The following EYS variants were observed in gnomAD, a reference collection of about 807,000 sequenced individuals.
The protein encoded by EYS is EGF-like photoreceptor maintenance factor.
EYS carries 250 observed loss-of-function variants against 282.1 expected under a neutral mutation model. The ratio of observed to expected loss-of-function variants is 0.89; its 90% CI spans 0.80 to 0.98. EYS has a LOEUF of 0.98. EYS is among the 50% of genes least tolerant of loss of function. The probability of loss-of-function intolerance (pLI) is 0.00; values close to 1 mark genes in which losing one functional copy is unlikely to be tolerated. For missense variants in EYS, 4,016 were observed against 3,709.0 expected (o/e 1.08, Z -2.15); for synonymous variants, 1,355 against 1,282.9 (o/e 1.06, Z -1.20).
intron 30 of EYS, among the ~76,000 whole-genome samples, chr6:64,306,314 C>A (rs1269488567): frequency 6.6e-6 from 1 of 152,094 alleles, no homozygotes; most frequent in Non-Finnish European, 1.5e-5. Context: ...ACCCACCTCA[C>A]CATGCTATCT....
rs1216330154 is a variant in EYS at position 64,231,328 on chromosome 6, AT to A, written c.6192-505del. On this transcript the variant is annotated intron_variant, in intron 30 of 42. Coordinates refer to ENST00000503581, the MANE Select transcript of EYS (RefSeq NM_001142800.2). Reference sequence around the variant, plus strand: ...TTTTACAAATTTTAATACCAGTTTAATTTTTTCTTTACAATAAATAATGAAC... The same window carrying A: ...TTTTACAAATTTTAATACCAGTTTAATTTTTCTTTACAATAAATAATGAAC... 7.2e-5 allele frequency among the ~76,000 whole-genome samples: 11 copies of A among 152,076 alleles called. No individual in the cohort carries two copies. The East Asian group carries it at 1.2e-3, about 16-fold the overall frequency.
At chr6:64,671,164 C>T (rs757925914) in intron 22 of EYS, among the ~76,000 whole-genome samples, 22 of 152,052 alleles carry the variant, frequency 1.4e-4, no homozygotes, top group South Asian at 8.3e-4. Flanking sequence ...GAAGATAAAG[C>T]GTCAGACCAT....
chr6:64,616,193 C>T (rs1030261518), intron 24 of EYS, among the ~76,000 whole-genome samples: 2 of 152,058 alleles, frequency 1.3e-5, no homozygotes, highest in African/African-American at 2.4e-5. Context: ...AAATAAAAGA[C>T]ACATCTCAGT....
intron 2 of EYS, among the ~76,000 whole-genome samples, chr6:65,511,015 T>C (rs2127288155): frequency 6.6e-6 from 1 of 152,328 alleles, no homozygotes; most frequent in African/African-American, 2.4e-5. Context: ...AATTTGTGAA[T>C]AGGAATTACT....
chr6:64,175,747 A>G (rs1764609764), intron 31 of EYS, among the ~76,000 whole-genome samples: 1 of 152,070 alleles, frequency 6.6e-6, no homozygotes, highest in Non-Finnish European at 1.5e-5. Context: ...TTGTCACGCA[A>G]TCTCGGTCAC....
chr6:63,808,111 G>A (rs1315200723), intron 36 of EYS, among the ~76,000 whole-genome samples: 1 of 152,120 alleles, frequency 6.6e-6, no homozygotes, highest in African/African-American at 2.4e-5. Flanking sequence ...AGATGCTGGT[G>A]ACACAAAGAT....
intron 15 of EYS, among the ~76,000 whole-genome samples, chr6:64,935,481 A>C (rs1402661715): frequency 1.3e-5 from 2 of 151,700 alleles, no homozygotes; most frequent in East Asian, 3.9e-4. Context: ...TAAAGCATAA[A>C]TTAATAAAGC....
chr6:65,666,910 T>TA (rs917452183), intron 1 of EYS, among the ~76,000 whole-genome samples: 20 of 147,156 alleles, frequency 1.4e-4, no homozygotes, highest in Non-Finnish European at 2.6e-4. Context: ...AAAAAATACA[T>TA]AAAAAATATA....
At chr6:64,635,431 C>A (rs1406969703) in intron 22 of EYS, among the ~76,000 whole-genome samples, 1 of 152,126 alleles carries the variant, frequency 6.6e-6, no homozygotes, top group African/African-American at 2.4e-5. Flanking sequence ...CCAGTTTTTG[C>A]CCATTCAGTA....
At chr6:65,379,956 G>A (rs1339325277) in intron 8 of EYS, among the ~76,000 whole-genome samples, 1 of 151,736 alleles carries the variant, frequency 6.6e-6, no homozygotes, top group African/African-American at 2.4e-5. Flanking sequence ...CACTGCTCAA[G>A]GAAATAAGAG....
At chr6:65,377,854 C>A (rs115338376) in intron 8 of EYS, among the ~76,000 whole-genome samples, 1 of 151,936 alleles carries the variant, frequency 6.6e-6, no homozygotes, top group Non-Finnish European at 1.5e-5. Context: ...AACTAAACCA[C>A]GAAGAAGTCA....
chr6:65,199,843 G>A (rs1765856663), intron 12 of EYS, among the ~76,000 whole-genome samples: 1 of 152,076 alleles, frequency 6.6e-6, no homozygotes, highest in Non-Finnish European at 1.5e-5. Context: ...CACCAAGGAT[G>A]CATGGAGGAG....
chr6:63,976,830 C>A (rs899870972), intron 35 of EYS, among the ~76,000 whole-genome samples: 2 of 151,762 alleles, frequency 1.3e-5, no homozygotes, highest in African/African-American at 4.8e-5. Context: ...TTTTGTGGGG[C>A]CTGAAGCTCA....
At chr6:64,253,573 T>C (rs1767291300) in intron 30 of EYS, among the ~76,000 whole-genome samples, 1 of 152,154 alleles carries the variant, frequency 6.6e-6, no homozygotes, top group South Asian at 2.1e-4. Flanking sequence ...CCAGAGACCA[T>C]GGCAAGCACC....
At chr6:64,377,310 A>T (rs1212154639) in intron 29 of EYS, among the ~76,000 whole-genome samples, 1 of 152,210 alleles carries the variant, frequency 6.6e-6, no homozygotes, top group South Asian at 2.1e-4. Context: ...ATAATACTAA[A>T]TGCTTTTAAA....
chr6:64,628,969 CATTATT>C (rs1339137487), intron 22 of EYS, among the ~76,000 whole-genome samples: 1 of 152,126 alleles, frequency 6.6e-6, no homozygotes, highest in Admixed American at 6.5e-5. Flanking sequence ...AATATTACTA[CATTATT>C]ATTAACTGAA....
intron 15 of EYS, among the ~76,000 whole-genome samples, chr6:64,925,262 G>C (rs529347974): frequency 6.6e-6 from 1 of 152,098 alleles, no homozygotes; most frequent in African/African-American, 2.4e-5. Context: ...AGAATAGTGC[G>C]GGAAAGACCA....
At chr6:65,270,060 G>C (rs1489458232) in intron 12 of EYS, among the ~76,000 whole-genome samples, 1 of 152,096 alleles carries the variant, frequency 6.6e-6, no homozygotes, top group East Asian at 1.9e-4. Context: ...ATCTAAATTA[G>C]ATATAGGTGC....
At chr6:64,223,088 G>T (rs1212326660) in intron 31 of EYS, among the ~76,000 whole-genome samples, 1 of 151,742 alleles carries the variant, frequency 6.6e-6, no homozygotes, top group Non-Finnish European at 1.5e-5. Flanking sequence ...TTTCCTCATT[G>T]TAGATTTTTA....
Sources: allele counts gnomAD v4.1 joint callset (sites outside exome capture counted in the v4.1 genomes callset), GRCh38; gene constraint gnomAD v4.1.1; transcripts MANE v1.5; gene names NCBI Gene and HGNC (gene_info 2026-07-23, HGNC 2026-07-21).